ZFYVE16: variants seen among roughly 807,000 people sequenced by gnomAD.
ZFYVE16 encodes zinc finger FYVE-type containing 16.
A neutral mutation model predicts 138.1 loss-of-function variants in ZFYVE16; 89 were observed. That is an observed-to-expected ratio of 0.64 (90% CI 0.54 to 0.77). ZFYVE16 has a LOEUF of 0.77. Among genes scored for constraint, ZFYVE16 ranks in the 30% least tolerant of loss-of-function variants. The pLI is 0.00. For missense variants in ZFYVE16, 1,793 were observed against 1,786.7 expected (o/e 1.00, Z -0.06); for synonymous variants, 596 against 618.3 (o/e 0.96, Z 0.53).
At chr5:80,435,440 A>T (rs1180319465) in intron 3 of ZFYVE16, among the ~76,000 whole-genome samples, 1 of 152,242 alleles carries the variant, frequency 6.6e-6, no homozygotes, top group African/African-American at 2.4e-5. Context: ...AAGTGCTGGG[A>T]TGATAGGCGT....
At chr5:80,431,432 C>T (rs1323964998) in intron 2 of ZFYVE16, among the ~76,000 whole-genome samples, 4 of 152,260 alleles carry the variant, frequency 2.6e-5, no homozygotes, top group African/African-American at 4.8e-5. Context: ...ATTGATGAGA[C>T]GTATCTCAAA....
At chr5:80,449,156 G>A (rs1186020003) in intron 8 of ZFYVE16, among the ~76,000 whole-genome samples, 1 of 151,666 alleles carries the variant, frequency 6.6e-6, no homozygotes, top group East Asian at 1.9e-4. Flanking sequence ...CCTGGTCACT[G>A]ATATAGGCAT....
rs536783562 is a variant in ZFYVE16, at chr5:80,464,725, T to G, written c.4024+5231T>G. Among the ~76,000 whole-genome samples, 8 of 152,284 alleles carry G rather than the reference T, an allele frequency of 5.3e-5. No homozygotes were observed. In the East Asian group the frequency reaches 1.5e-3, roughly 29 times the overall value. ...TCTTGTAAAGTTTTGTCAATTATATTTTGTTTCTCTGTTCCTTCCCTACTG... is the reference window on the plus strand; with the variant it reads ...TCTTGTAAAGTTTTGTCAATTATATGTTGTTTCTCTGTTCCTTCCCTACTG... On this transcript the variant is annotated intron_variant, in intron 15 of 18. Transcript: ENST00000505560.
chr5:80,459,602 T>C, intron 15 of ZFYVE16, 108 bp downstream of exon 15: 1 of 865,632 alleles, frequency 1.2e-6, no homozygotes, highest in South Asian at 2.0e-5. Flanking sequence ...TAAAGCACAG[T>C]ACCACAAACT....
intron 2 of ZFYVE16, among the ~76,000 whole-genome samples, chr5:80,431,734 G>A (rs1262174151): frequency 6.6e-5 from 10 of 152,158 alleles, no homozygotes; most frequent in African/African-American, 9.7e-5. Flanking sequence ...AGCAACTTCA[G>A]CAAAGTCTCA....
At chr5:80,451,035 C>T (rs1466524714) in intron 10 of ZFYVE16, among the ~76,000 whole-genome samples, 3 of 152,094 alleles carry the variant, frequency 2.0e-5, no homozygotes, top group Non-Finnish European at 4.4e-5. Context: ...TGGTCTAGAA[C>T]TTCTGACCTC....
intron 11 of ZFYVE16, chr5:80,454,082 G>A (rs948868303): frequency 6.6e-6 from 1 of 151,938 alleles, no homozygotes; most frequent in Non-Finnish European, 1.5e-5. Flanking sequence ...CTAATATCTT[G>A]TATTTTTTTC....
intron 1 of ZFYVE16, among the ~76,000 whole-genome samples, chr5:80,424,466 C>CT (rs70988471): frequency 0.79 from 114,796 of 144,918 alleles, 47,248 homozygotes; most frequent in East Asian, 0.91. Context: ...CTCCAAATTC[C>CT]TTTTTTTTTT....
chr5:80,428,253 C>T (rs904080023), intron 2 of ZFYVE16, among the ~76,000 whole-genome samples: 9 of 152,196 alleles, frequency 5.9e-5, no homozygotes, highest in East Asian at 3.9e-4. Flanking sequence ...CCCTCTGAGA[C>T]GAAACTTCCA....
At chr5:80,445,901 CTTT>C (rs796531343) in intron 7 of ZFYVE16, among the ~76,000 whole-genome samples, 4 of 121,896 alleles carry the variant, frequency 3.3e-5, no homozygotes, top group Admixed American at 8.5e-5. Context: ...CAGATTTTAC[CTTT>C]TTTTTTTTTT....
chr5:80,448,428 T>TA (rs1561297258), intron 8 of ZFYVE16, 24 bp downstream of exon 8: 1 of 1,438,400 alleles, frequency 7.0e-7, no homozygotes, highest in East Asian at 2.5e-5. Context: ...TATTTAAATT[T>TA]AAAAAGATTT....
intron 15 of ZFYVE16, among the ~76,000 whole-genome samples, chr5:80,461,183 C>T (rs1378098842): frequency 1.3e-5 from 2 of 152,132 alleles, no homozygotes; most frequent in Non-Finnish European, 2.9e-5. Context: ...ATTTCAGATG[C>T]TCAGCTGCTA....
intron 1 of ZFYVE16, among the ~76,000 whole-genome samples, chr5:80,416,247 ATTTTTTTT>A (rs70988469): frequency 1.4e-5 from 1 of 73,344 alleles, no homozygotes; most frequent in Non-Finnish European, 2.6e-5. Flanking sequence ...GAATACATAG[ATTTTTTTT>A]TTTTTTTTTT....
intron 1 of ZFYVE16, among the ~76,000 whole-genome samples, chr5:80,408,623 C>T (rs1744972549): frequency 6.6e-6 from 1 of 152,254 alleles, no homozygotes; most frequent in East Asian, 1.9e-4. Flanking sequence ...CTGTCCATTC[C>T]CGCACCCATG....
intron 5 of ZFYVE16, chr5:80,440,520 A>C: frequency 1.0e-6 from 1 of 985,188 alleles, no homozygotes; most frequent in Non-Finnish European, 1.2e-6. Context: ...CTGCCACACT[A>C]TTTGCACATT....
chr5:80,445,693 T>C (rs1327066107), intron 7 of ZFYVE16, among the ~76,000 whole-genome samples: 1 of 151,888 alleles, frequency 6.6e-6, no homozygotes, highest in Non-Finnish European at 1.5e-5. Context: ...CCCAAGTAGC[T>C]GGGATCACAG....
At chr5:80,414,091 G>A (rs927791055) in intron 1 of ZFYVE16, among the ~76,000 whole-genome samples, 2 of 151,886 alleles carry the variant, frequency 1.3e-5, no homozygotes, top group Admixed American at 1.3e-4. Flanking sequence ...TATAATTTTT[G>A]TTTTTCCTAG....
At position 80,445,332 on chromosome 5, in the gene ZFYVE16, A is replaced by C; in HGVS notation, c.2651A>C (p.Asp884Ala). 6.2e-7 allele frequency: 1 copy of C among 1,614,028 alleles called. No homozygotes were observed. The highest frequency in any genetic ancestry group is 8.5e-7 in the Non-Finnish European group (1 of 1,179,948). ...ATATTGCCCAATGGTGAAGTTGCAGATACAACAAAATTATCATCTGGAAGT... is the reference window on the plus strand; with the variant it reads ...ATATTGCCCAATGGTGAAGTTGCAGCTACAACAAAATTATCATCTGGAAGT... ...DGILPNGEVADTTKLSSGSKR... is the reference protein window; with the variant it reads ...DGILPNGEVAATTKLSSGSKR... The change falls in exon 7 of 19, where the codon GAT becomes GCT. Residue 884 changes from aspartate (D) to alanine (A), a missense_variant. By Grantham distance (126) the Asp-to-Ala change is moderately radical. Around this residue, in one of 2 missense-constraint regions of ZFYVE16, gnomAD observed 1,295 missense variants for 1,204.3 expected, o/e 1.08. Coordinates refer to ENST00000505560, the MANE Select transcript of ZFYVE16 (RefSeq NM_001284236.3).
intron 13 of ZFYVE16, 121 bp downstream of exon 13, chr5:80,456,686 GT>G: frequency 2.2e-6 from 2 of 920,058 alleles, no homozygotes; most frequent in South Asian, 1.9e-5. Context: ...AACAAACATT[GT>G]TTTTGAAATG....
Sources: allele counts gnomAD v4.1 joint callset (sites outside exome capture counted in the v4.1 genomes callset), GRCh38; gene constraint gnomAD v4.1.1; regional missense constraint gnomAD v4.1.1; transcripts MANE v1.5; gene names NCBI Gene and HGNC (gene_info 2026-07-23, HGNC 2026-07-21).